Variants in TRAPPC14 observed in about 807,000 individuals in gnomAD.
TRAPPC14 encodes trafficking protein particle complex subunit 14.
In TRAPPC14, 24 loss-of-function variants were observed where a neutral mutation model predicts 56.6. The observed-to-expected ratio is 0.42, with a 90% CI of 0.31 to 0.60. The LOEUF (loss-of-function observed/expected upper bound fraction) is 0.60, where lower values mean the gene tolerates loss of function less well. Ranked by LOEUF, TRAPPC14 falls within the 20% of genes least tolerant of loss-of-function variation. The pLI is 0.14. For synonymous variants in TRAPPC14, 377 were observed against 347.0 expected (o/e 1.09, Z -0.96); for missense variants, 615 against 790.3 (o/e 0.78, Z 2.66).
intron 3 of TRAPPC14, 71 bp from the exon 4 acceptor site, chr7:100,157,530 C>T (rs1171298028): frequency 2.5e-6 from 4 of 1,606,674 alleles, no homozygotes; most frequent in African/African-American, 2.7e-5. Flanking sequence ...GAATTCTCAC[C>T]TTCCTCTTCT....
chr7:100,154,962 G>A lies in TRAPPC14; in HGVS notation c.*49C>T, dbSNP rs746139431. The A allele has an allele frequency of 3.1e-6, 5 of 1,600,360 alleles. No individual in the cohort carries two copies. In the South Asian group the frequency reaches 4.4e-5, roughly 14 times the overall value. On this transcript the variant is annotated 3_prime_UTR_variant, in exon 11 of 11. Coordinates refer to ENST00000316937, the MANE Select transcript of TRAPPC14 (RefSeq NM_018275.5). ...CAGCCCGGGAGCAGGGATCCCCTCTGGGGGCGTTGGGTCTCTGGAGTGTAA... is the reference window on the plus strand; with the variant it reads ...CAGCCCGGGAGCAGGGATCCCCTCTAGGGGCGTTGGGTCTCTGGAGTGTAA...
chr7:100,157,263 C>T (rs771397681), intron 4 of TRAPPC14, 49 bp from the exon 5 acceptor site: 36 of 1,613,536 alleles, frequency 2.2e-5, no homozygotes, highest in East Asian at 4.5e-5. Context: ...CCCTCAGGCC[C>T]CACCTTTACC....
In TRAPPC14 at chr7:100,157,824, C is replaced by A; in HGVS notation, c.507+19G>T. 6.2e-7 allele frequency: 1 copy of A among 1,611,996 alleles called. No individual in the cohort carries two copies. Among genetic ancestry groups the A allele is most frequent in the Non-Finnish European group, 8.5e-7 (1 of 1,178,444 alleles). The stretch of plus-strand genomic sequence containing the variant: ...AGGTGTCTGAATTAGGACAATAGCT[C>A]CACTCTTGCTCATCTTACCTTGGCC... On this transcript the variant is annotated intron_variant, in intron 2 of 10. Coordinates refer to ENST00000316937, the MANE Select transcript of TRAPPC14 (RefSeq NM_018275.5).
At position 100,157,726 on chromosome 7, in the gene TRAPPC14, G is replaced by T; in HGVS notation, c.544C>A (p.Pro182Thr). Reference sequence around the variant, plus strand: ...AGGTAGCCTTGATCTCTGACCTCTGGTGCCTCAATCTCCCGCTTCCACACA... The same window carrying T: ...AGGTAGCCTTGATCTCTGACCTCTGTTGCCTCAATCTCCCGCTTCCACACA... ...VTVWKREIEA[P>T]EVRDQGYLRL... is the part of the protein sequence containing the mutation. The change falls in exon 3 of 11, where the codon CCA becomes ACA. Residue 182 changes from proline (P) to threonine (T), a missense_variant. By Grantham distance (38) the Pro-to-Thr change is conservative. Coordinates refer to ENST00000316937, the MANE Select transcript of TRAPPC14 (RefSeq NM_018275.5). The T allele has an allele frequency of 1.9e-6, 3 of 1,614,184 alleles. No homozygotes were observed. The highest frequency in any genetic ancestry group is 2.5e-6 in the Non-Finnish European group (3 of 1,180,036).
At position 100,158,675 on chromosome 7, in the gene TRAPPC14, G is replaced by T; in HGVS notation, c.-176C>A. On this transcript the variant is annotated 5_prime_UTR_variant, in exon 1 of 11. The change creates a new upstream start codon in the 5' untranslated region. Transcript: ENST00000316937. The stretch of plus-strand genomic sequence containing the variant: ...AACGAACCCGAACCGAGACCCGGCA[G>T]CGCCGGAACCGGGGTACTGAGCCGA... 1 of 537,542 alleles carries T rather than the reference G, an allele frequency of 1.9e-6. No homozygotes were observed. The highest frequency in any genetic ancestry group is 8.4e-5 in the South Asian group (1 of 11,962). The allele number at this position is 537,542 out of a possible 1,614,324, so 33.3% of individuals were successfully genotyped here.
At chr7:100,157,576 C>A in intron 3 of TRAPPC14, 57 bp downstream of exon 3, 1 of 1,608,750 alleles carries the variant, frequency 6.2e-7, no homozygotes, top group South Asian at 1.1e-5. Flanking sequence ...GTGACCCCTC[C>A]CCTCTGTCCC....
Position 100,154,658 on chromosome 7 carries a change from A to C in TRAPPC14, c.*353T>G. 1.4e-4 allele frequency: 44 copies of C among 307,164 alleles called. No individual in the cohort carries two copies. Among genetic ancestry groups the C allele is most frequent in the East Asian group, 2.9e-4 (3 of 10,342 alleles). The allele number at this position is 307,164 out of a possible 1,614,324, so 19.0% of individuals were successfully genotyped here. On this transcript the variant is annotated 3_prime_UTR_variant, in exon 11 of 11. Coordinates refer to ENST00000316937, the MANE Select transcript of TRAPPC14 (RefSeq NM_018275.5). ...CAGCCCTGCGGGAGGGAGGGAGGGA[A>C]TGTCAGAGGTGGGAAAGAACTCAAC...
chr7:100,157,263 C>A lies in TRAPPC14; in HGVS notation c.725-49G>T, dbSNP rs771397681. On this transcript the variant is annotated intron_variant, in intron 4 of 10. Transcript: ENST00000316937. ...TCAGAATAGCTGGACCCCTCAGGCC[C>A]CACCTTTACCCAGAAAAAACCGGAC... is the stretch of plus-strand genomic sequence containing the variant. 14 of 1,613,536 alleles carry A rather than the reference C, an allele frequency of 8.7e-6. No homozygotes were observed. In the Admixed American group the frequency reaches 1.3e-4, roughly 15 times the overall value.
At position 100,154,990 on chromosome 7, in the gene TRAPPC14, G is replaced by C. The variant is rs201539629; in HGVS notation, c.*21C>G. On this transcript the variant is annotated 3_prime_UTR_variant, in exon 11 of 11. Transcript: ENST00000316937. Reference sequence around the variant, plus strand: ...GGCGTTGGGTCTCTGGAGTGTAAGAGGGAACAGAGCTGGCACGGTGCTACT... The same window carrying C: ...GGCGTTGGGTCTCTGGAGTGTAAGACGGAACAGAGCTGGCACGGTGCTACT... 6.2e-7 allele frequency: 1 copy of C among 1,613,718 alleles called. No homozygotes were observed. Among genetic ancestry groups the C allele is most frequent in the South Asian group, 1.1e-5 (1 of 91,086 alleles).
chr7:100,156,214 T>C (rs1385000057), intron 8 of TRAPPC14, 172 bp downstream of exon 8: 2 of 646,294 alleles, frequency 3.1e-6, no homozygotes, highest in Non-Finnish European at 5.4e-6. Context: ...AAACTCTCCA[T>C]CTAGGACACT....
Position 100,157,658 on chromosome 7 carries a change from G to C in TRAPPC14, c.612C>G (p.Gly204=). ...QTRSPGETFR[G]EQSAFKAQVS... is the part of the protein sequence containing the mutation. Reference sequence around the variant, plus strand: ...CTTGGGCCTTGAAAGCGCTCTGCTCGCCCCGGAATGTCTCCCCAGGAGATC... The same window carrying C: ...CTTGGGCCTTGAAAGCGCTCTGCTCCCCCCGGAATGTCTCCCCAGGAGATC... Residue 204 remains glycine (G), a synonymous_variant, in exon 3 of 11, where the codon GGC becomes GGG. Coordinates refer to ENST00000316937, the MANE Select transcript of TRAPPC14 (RefSeq NM_018275.5). The C allele has an allele frequency of 6.2e-7, 1 of 1,614,192 alleles. No individual in the cohort carries two copies. The highest frequency in any genetic ancestry group is 1.1e-5 in the South Asian group (1 of 91,088).
In TRAPPC14 at chr7:100,154,444, A is replaced by G. The variant is rs1279526317; in HGVS notation, c.*567T>C. ...CTTCTCCCTCCTGAACAGGCATTTA[A>G]TAGTCTTATTTCAGTTGGAAGCAAT... On this transcript the variant is annotated 3_prime_UTR_variant, in exon 11 of 11. Transcript: ENST00000316937. 1 of 180,888 alleles carries G rather than the reference A, an allele frequency of 5.5e-6. No individual in the cohort carries two copies. The highest frequency in any genetic ancestry group is 1.2e-5 in the Non-Finnish European group (1 of 84,290). The allele number at this position is 180,888 out of a possible 1,614,324, so 11.2% of individuals were successfully genotyped here. A position where few individuals can be genotyped will look rare whatever the true frequency, so the allele number is the denominator to read the frequency against.
chr7:100,155,565 C>A, intron 9 of TRAPPC14, 106 bp downstream of exon 9: 2 of 1,507,010 alleles, frequency 1.3e-6, no homozygotes, highest in Non-Finnish European at 1.8e-6. Context: ...TCCCACCTTC[C>A]CTCTGCCCAG....
Position 100,157,826 on chromosome 7 carries a change from A to T in TRAPPC14, c.507+17T>A. ...GTGTCTGAATTAGGACAATAGCTCCACTCTTGCTCATCTTACCTTGGCCTT... is the reference window on the plus strand; with the variant it reads ...GTGTCTGAATTAGGACAATAGCTCCTCTCTTGCTCATCTTACCTTGGCCTT... On this transcript the variant is annotated intron_variant, in intron 2 of 10. Coordinates refer to ENST00000316937, the MANE Select transcript of TRAPPC14 (RefSeq NM_018275.5). 6.2e-7 allele frequency: 1 copy of T among 1,610,656 alleles called. No homozygotes were observed.
In TRAPPC14 at chr7:100,158,235, C is replaced by T. The variant is rs1488067463; in HGVS notation, c.265G>A (p.Gly89Ser). 6.8e-7 allele frequency: 1 copy of T among 1,481,222 alleles called. No homozygotes were observed. The highest frequency in any genetic ancestry group is 1.3e-5 in the South Asian group (1 of 78,102). 91.8% of individuals were successfully genotyped at this position (1,481,222 alleles called of 1,614,324 possible). A position where few individuals can be genotyped will look rare whatever the true frequency, so the allele number is the denominator to read the frequency against. Reference protein sequence around the residue: ...LAALASVSAGGGMPGGGGAGD... With the variant: ...LAALASVSAGSGMPGGGGAGD... ...GCGCCGCCGCCCCCCGGCATCCCGC[C>T]TCCGGCGCTGACCGAGGCCAGGGCG... The change falls in exon 1 of 11, where the codon GGC becomes AGC. Residue 89 changes from glycine (G) to serine (S), a missense_variant. Gly to Ser is a moderately conservative substitution (Grantham distance 56). Transcript: ENST00000316937.
Position 100,154,709 on chromosome 7 carries a change from C to G in TRAPPC14, c.*302G>C, listed in dbSNP as rs1241826384. The G allele has an allele frequency of 6.8e-6, 3 of 442,742 alleles. No homozygotes were observed. Among genetic ancestry groups the G allele is most frequent in the African/African-American group, 2.0e-5 (1 of 49,138 alleles). The allele number at this position is 442,742 out of a possible 1,614,324, so 27.4% of individuals were successfully genotyped here. ...GGGAATGAGGAAGAGACTTTGTAAACTCAGAACCAGGGTAAAGGGCCGGGG... is the reference window on the plus strand; with the variant it reads ...GGGAATGAGGAAGAGACTTTGTAAAGTCAGAACCAGGGTAAAGGGCCGGGG... On this transcript the variant is annotated 3_prime_UTR_variant, in exon 11 of 11. Transcript: ENST00000316937.
Position 100,157,882 on chromosome 7 carries a change from A to C in TRAPPC14, c.468T>G (p.Val156=). Residue 156 remains valine (V), a synonymous_variant, in exon 2 of 11, where the codon GTT becomes GTG. Coordinates refer to ENST00000316937, the MANE Select transcript of TRAPPC14 (RefSeq NM_018275.5). ...TCCCTGGGGGCAGTCTATCCAGTGA[A>C]ACGGTGAGTGGGAAGATGACCTCAT... ...STDEVIFPLT[V]SLDRLPPGTP... 1.3e-6 allele frequency: 2 copies of C among 1,569,558 alleles called. No homozygotes were observed. The highest frequency in any genetic ancestry group is 1.7e-6 in the Non-Finnish European group (2 of 1,155,652).
chr7:100,157,417 C>T lies in TRAPPC14; in HGVS notation c.680G>A (p.Cys227Tyr), dbSNP rs748688093. 3.1e-6 allele frequency: 5 copies of T among 1,614,010 alleles called. No individual in the cohort carries two copies. The East Asian group carries it at 1.1e-4, about 36-fold the overall frequency. ...LTLLPPPVLR[C>Y]RQFTVAGKHL... Reference sequence around the variant, plus strand: ...TTTTCCAGCCACAGTGAACTGCCGGCATCTCAGAACCGGAGGGGGCAGCAG... The same window carrying T: ...TTTTCCAGCCACAGTGAACTGCCGGTATCTCAGAACCGGAGGGGGCAGCAG... The change falls in exon 4 of 11, where the codon TGC (cysteine) becomes TAC (tyrosine). Residue 227 changes from cysteine (C) to tyrosine (Y), a missense_variant. Physicochemically the swap from Cys to Tyr is radical, Grantham distance 194. Transcript: ENST00000316937.
At position 100,158,093 on chromosome 7, in the gene TRAPPC14, G is replaced by T; in HGVS notation, c.407C>A (p.Thr136Asn). The T allele has an allele frequency of 6.7e-7, 1 of 1,489,150 alleles. No individual in the cohort carries two copies. Among genetic ancestry groups the T allele is most frequent in the Non-Finnish European group, 8.9e-7 (1 of 1,120,362 alleles). The allele number at this position is 1,489,150 out of a possible 1,614,324, so 92.2% of individuals were successfully genotyped here. Residue 136 changes from threonine to asparagine, a missense_variant, in exon 1 of 11, where the codon ACC (threonine) becomes AAC (asparagine). Physicochemically the swap from Thr to Asn is moderately conservative, Grantham distance 65 (BLOSUM62 0). Coordinates refer to ENST00000316937, the MANE Select transcript of TRAPPC14 (RefSeq NM_018275.5). ...GPGPATSGGA[T>N]TLPVEEPIVS... ...AGGTCCCCCAAAGCTCCTCACCGTG[G>T]TCGCTCCCCCTGAGGTAGCAGGGCC...
Sources: allele counts gnomAD v4.1 joint callset, GRCh38; gene constraint gnomAD v4.1.1; transcripts MANE v1.5; gene names NCBI Gene and HGNC (gene_info 2026-07-23, HGNC 2026-07-21).